SYNCRIP: variants seen among roughly 807,000 people sequenced by gnomAD.
SYNCRIP encodes the protein synaptotagmin binding cytoplasmic RNA interacting protein, also known as heterogeneous nuclear ribonucleoprotein Q.
A neutral mutation model predicts 68.9 loss-of-function variants in SYNCRIP; 9 were observed. The observed-to-expected ratio is 0.13, with a 90% CI of 0.08 to 0.23. The LOEUF (loss-of-function observed/expected upper bound fraction) is 0.23. Among genes scored for constraint, SYNCRIP ranks in the 10% least tolerant of loss-of-function variants. The pLI is 1.00. For synonymous variants in SYNCRIP, 258 were observed against 254.0 expected (o/e 1.02, Z -0.15); for missense variants, 414 against 770.6 (o/e 0.54, Z 5.48).
intron 6 of SYNCRIP, among the ~76,000 whole-genome samples, chr6:85,636,547 A>G (rs1808474114): frequency 6.6e-6 from 1 of 152,210 alleles, no homozygotes; most frequent in African/African-American, 2.4e-5. Context: ...ATTGCCACTC[A>G]CCATAAAATC....
At chr6:85,610,428 A>T (rs1805150177), downstream of SYNCRIP, 1 of 152,038 alleles carries the variant, frequency 6.6e-6, no homozygotes, top group African/African-American at 2.4e-5. Flanking sequence ...TCAATTCTTC[A>T]ATTTCTTTTT....
chr6:85,630,711 T>C lies in SYNCRIP; in HGVS notation c.666+6256A>G, dbSNP rs919805486. The stretch of plus-strand genomic sequence containing the variant: ...GGCTATTAAAACAGCAAATGGTCCA[T>C]GAGTTACATAAGAATATTAGAGAGC... On this transcript the variant is annotated intron_variant, in intron 6 of 10. Transcript: ENST00000369622. Among the ~76,000 whole-genome samples the C allele has an allele frequency of 1.7e-4, 26 of 152,270 alleles. No homozygotes were observed. The South Asian group carries it at 2.3e-3, about 13-fold the overall frequency.
chr6:85,608,673 A>C (rs1562062564), exon 12 of SYNCRIP: 1 of 152,054 alleles, frequency 6.6e-6, no homozygotes, highest in African/African-American at 2.4e-5. Context: ...AGTCAGGTAC[A>C]AGCTTTTGTT....
intron 8 of SYNCRIP, among the ~76,000 whole-genome samples, 179 bp from the exon 9 acceptor site, chr6:85,619,596 T>C (rs1181712800): frequency 1.3e-5 from 2 of 152,094 alleles, no homozygotes; most frequent in Non-Finnish European, 2.9e-5. Context: ...TGCTGGATCA[T>C]GTTGAAAGAC....
At position 85,629,995 on chromosome 6, in the gene SYNCRIP, A is replaced by T. The variant is rs1169524731; in HGVS notation, c.667-5883T>A. On this transcript the variant is annotated intron_variant, in intron 6 of 10. Coordinates refer to ENST00000369622, the MANE Select transcript of SYNCRIP (RefSeq NM_006372.5). ...AGGATTTGTCTCAAAAAAAAAAAAAAGCTGTATACACATCATGACAGTATA... is the reference window on the plus strand; with the variant it reads ...AGGATTTGTCTCAAAAAAAAAAAAATGCTGTATACACATCATGACAGTATA... Among the ~76,000 whole-genome samples the T allele has an allele frequency of 2.0e-5, 3 of 151,618 alleles. No homozygotes were observed. The East Asian group carries it at 5.8e-4, about 29-fold the overall frequency.
intron 4 of SYNCRIP, among the ~76,000 whole-genome samples, chr6:85,638,147 G>T (rs1440508991): frequency 6.6e-6 from 1 of 152,082 alleles, no homozygotes; most frequent in Non-Finnish European, 1.5e-5. Context: ...GCCAAGGCGG[G>T]TGGATCAGGA....
At chr6:85,619,138 C>G in intron 9 of SYNCRIP, 130 bp downstream of exon 9, 3 of 1,365,064 alleles carry the variant, frequency 2.2e-6, no homozygotes, top group Non-Finnish European at 3.0e-6. Flanking sequence ...TCACTAAAAC[C>G]AAAAGGTTTT....
downstream of SYNCRIP, chr6:85,608,057 TATCAA>T (rs1335487790): frequency 6.6e-6 from 1 of 152,082 alleles, no homozygotes; most frequent in Non-Finnish European, 1.5e-5. Context: ...CCACTAACTT[TATCAA>T]ATCCAATGGC....
At chr6:85,616,469 G>A (rs2128279640) in intron 10 of SYNCRIP, among the ~76,000 whole-genome samples, 1 of 152,232 alleles carries the variant, frequency 6.6e-6, no homozygotes, top group East Asian at 1.9e-4. Context: ...GGGACTATAG[G>A]CATGTGCCAC....
intron 8 of SYNCRIP, among the ~76,000 whole-genome samples, chr6:85,621,085 T>C (rs777823634): frequency 1.3e-5 from 2 of 152,212 alleles, no homozygotes; most frequent in Non-Finnish European, 2.9e-5. Flanking sequence ...TCACTAACAT[T>C]ATCACTTCCT....
In SYNCRIP at chr6:85,626,614, G is replaced by A. The variant is rs970544940; in HGVS notation, c.667-2502C>T. ...TTGAGAGGAACCAAAATCCTTATAA[G>A]AAATGTAGGAGGCAAAGGCAAGACA... On this transcript the variant is annotated intron_variant, in intron 6 of 10. Coordinates refer to ENST00000369622, the MANE Select transcript of SYNCRIP (RefSeq NM_006372.5). Among the ~76,000 whole-genome samples the A allele has an allele frequency of 3.9e-5, 6 of 152,102 alleles. No individual in the cohort carries two copies. The East Asian group carries it at 1.2e-3, about 29-fold the overall frequency.
chr6:85,642,918 C>A (rs1809385414), upstream of SYNCRIP: 2 of 152,616 alleles, frequency 1.3e-5, no homozygotes, highest in Admixed American at 1.3e-4. Context: ...CCGAAGCTCA[C>A]GCCGCTGGCA....
intron 1 of SYNCRIP, among the ~76,000 whole-genome samples, chr6:85,642,577 A>C (rs2128307051): frequency 6.6e-6 from 1 of 152,172 alleles, no homozygotes; most frequent in Admixed American, 6.5e-5. Flanking sequence ...GCCTCCTCCC[A>C]AAGCGCCGCA....
chr6:85,614,264 C>G lies in SYNCRIP; in HGVS notation c.*492G>C. The G allele has an allele frequency of 1.0e-6, 1 of 985,450 alleles. No individual in the cohort carries two copies. Among genetic ancestry groups the G allele is most frequent in the Admixed American group, 6.1e-5 (1 of 16,286 alleles). The allele number at this position is 985,450 out of a possible 1,614,324, so 61.0% of individuals were successfully genotyped here. ...GAAATAAACAACAGCATAAAGAATA[C>G]AAGTAGCCAAAATGGTTTTGAAAAC... On this transcript the variant is annotated 3_prime_UTR_variant, in exon 11 of 11. Transcript: ENST00000369622.
At chr6:85,631,943 T>C (rs1562100710) in intron 6 of SYNCRIP, among the ~76,000 whole-genome samples, 1 of 152,212 alleles carries the variant, frequency 6.6e-6, no homozygotes, top group Non-Finnish European at 1.5e-5. Flanking sequence ...GTAGTAGCTA[T>C]TAATCACCTT....
At chr6:85,640,653 C>A in intron 2 of SYNCRIP, 89 bp from the exon 3 acceptor site, 1 of 678,614 alleles carries the variant, frequency 1.5e-6, no homozygotes, top group Non-Finnish European at 2.4e-6. Flanking sequence ...ACATGTGTGC[C>A]TTTACAATTC....
intron 10 of SYNCRIP, among the ~76,000 whole-genome samples, chr6:85,618,312 G>T (rs943450468): frequency 2.6e-5 from 4 of 151,944 alleles, no homozygotes; most frequent in African/African-American, 9.7e-5. Context: ...AGGCAGAGGT[G>T]GGCGGATCAC....
At chr6:85,637,757 C>A (rs983896660) in intron 4 of SYNCRIP, among the ~76,000 whole-genome samples, 2 of 152,186 alleles carry the variant, frequency 1.3e-5, no homozygotes, top group Non-Finnish European at 2.9e-5. Context: ...TCCCTATAAA[C>A]CCCACTCCTA....
At chr6:85,625,704 C>A (rs910852012) in intron 6 of SYNCRIP, among the ~76,000 whole-genome samples, 1 of 152,018 alleles carries the variant, frequency 6.6e-6, no homozygotes, top group South Asian at 2.1e-4. Context: ...TTTTTATACT[C>A]CTATGGCTCT....
Sources: gnomAD v4.1 joint callset for allele counts (sites outside exome capture counted in the v4.1 genomes callset) on GRCh38, gnomAD v4.1.1 for gene constraint, MANE v1.5 for transcripts, NCBI Gene and HGNC (gene_info 2026-07-23, HGNC 2026-07-21) for gene names.